Variants in POC1B observed in about 807,000 individuals in gnomAD.
POC1B encodes POC1 centriolar protein B.
A neutral mutation model predicts 60.6 loss-of-function variants in POC1B; 44 were observed. The ratio of observed to expected loss-of-function variants is 0.73; its 90% confidence interval spans 0.57 to 0.93. The LOEUF (loss-of-function observed/expected upper bound fraction) is 0.93. Among genes scored for constraint, POC1B ranks in the 40% least tolerant of loss-of-function variants. The pLI is 0.00. For synonymous variants in POC1B, 180 were observed against 198.9 expected (o/e 0.90, Z 0.80); for missense variants, 555 against 572.3 (o/e 0.97, Z 0.31).
intron 2 of POC1B, chr12:89,522,874 T>A: frequency 6.2e-7 from 1 of 1,610,284 alleles, no homozygotes; most frequent in Non-Finnish European, 8.5e-7. Flanking sequence ...CATTTGTACA[T>A]CAGGTCGGCC....
intron 2 of POC1B, chr12:89,522,743 A>T: frequency 6.6e-7 from 1 of 1,504,834 alleles, no homozygotes; most frequent in Non-Finnish European, 8.9e-7. Flanking sequence ...TACAATCTTC[A>T]CTGAGGCTCT....
the POC1B span, among the ~76,000 whole-genome samples, chr12:89,412,812 TTC>T: frequency 1.2e-5 from 1 of 84,768 alleles, no homozygotes; most frequent in Admixed American, 1.2e-4. Context: ...CACATGTTCC[TTC>T]CTTCCTTCCT....
chr12:89,403,508 G>C, the POC1B span, among the ~76,000 whole-genome samples: 1 of 152,074 alleles, frequency 6.6e-6, no homozygotes, highest in African/African-American at 2.4e-5. Flanking sequence ...ATCTGCCTCA[G>C]AGAAGAGTCA....
chr12:89,439,641 A>G (rs1037983799), intron 10 of POC1B, among the ~76,000 whole-genome samples: 1 of 152,036 alleles, frequency 6.6e-6, no homozygotes, highest in African/African-American at 2.4e-5. Context: ...GTCTCACTCT[A>G]TTGCCCAGGC....
In POC1B at chr12:89,467,670, C is replaced by G; in HGVS notation, c.826G>C (p.Val276Leu). 1 of 1,610,696 alleles carries G rather than the reference C, an allele frequency of 6.2e-7. No homozygotes were observed. The highest frequency in any genetic ancestry group is 8.5e-7 in the Non-Finnish European group (1 of 1,177,822). ...LQGHTGPVFT[V>L]SFSKGGELFA... Reference sequence around the variant, plus strand: ...AGCTCTCCACCTTTTGAAAATGAAACAGTAAAGACAGGTCCCTGAGAAATA... The same window carrying G: ...AGCTCTCCACCTTTTGAAAATGAAAGAGTAAAGACAGGTCCCTGAGAAATA... The change falls in exon 8 of 12, where the codon GTT (valine) becomes CTT (leucine). Residue 276 changes from valine (V) to leucine (L), a missense_variant. By Grantham distance (32) the Val-to-Leu change is conservative (BLOSUM62 1). Coordinates refer to ENST00000313546, the MANE Select transcript of POC1B (RefSeq NM_172240.3).
chr12:89,443,574 T>C lies in POC1B; in HGVS notation c.1113+16064A>G, dbSNP rs1194334620. Among the ~76,000 whole-genome samples the C allele has an allele frequency of 2.6e-5, 4 of 151,482 alleles. No individual in the cohort carries two copies. The East Asian group carries it at 7.7e-4, about 29-fold the overall frequency. On this transcript the variant is annotated intron_variant, in intron 10 of 11. Transcript: ENST00000313546. ...AACCAATGAGAACAAAGACACAACA[T>C]ACCAGAATCTCTGGGACACATTCAA...
At chr12:89,503,737 G>A (rs566215169) in intron 2 of POC1B, among the ~76,000 whole-genome samples, 1 of 127,850 alleles carries the variant, frequency 7.8e-6, no homozygotes, top group Admixed American at 7.6e-5. Context: ...CGCCCCGTCT[G>A]AGAAGTGAGG....
rs941942035 is a variant in POC1B, at chr12:89,459,685, T to A, written c.1066A>T (p.Ile356Phe). 7.2e-6 allele frequency: 11 copies of A among 1,529,252 alleles called. No individual in the cohort carries two copies. In the Admixed American group the frequency reaches 1.6e-4, roughly 22 times the overall value. 94.7% of individuals were successfully genotyped at this position (1,529,252 alleles called of 1,614,324 possible). The change falls in exon 10 of 12, where the codon ATC (isoleucine) becomes TTC (phenylalanine). Residue 356 changes from isoleucine to phenylalanine, a missense_variant. Ile to Phe is a conservative substitution (Grantham distance 21, BLOSUM62 0). Coordinates refer to ENST00000313546, the MANE Select transcript of POC1B (RefSeq NM_172240.3). ...NPKLEVIDLQ[I>F]STPPVMDILS... is the part of the protein sequence containing the mutation. ...ATATCCATAACAGGGGGAGTAGAGA[T>A]CTGCAAATCGATTACCTCAAGCTTT...
intron 1 of POC1B, chr12:89,525,525 T>C (rs1871385207): frequency 1.5e-6 from 2 of 1,302,882 alleles, no homozygotes; most frequent in African/African-American, 3.1e-5. Flanking sequence ...GGCAGGCAGG[T>C]GCGAGGATGC....
At chr12:89,418,845 TAC>T (rs1324453641), downstream of POC1B, among the ~76,000 whole-genome samples, 5 of 152,160 alleles carry the variant, frequency 3.3e-5, no homozygotes, top group African/African-American at 1.2e-4. Context: ...ATGAGCCAAA[TAC>T]ACCTCTTTTC....
intron 10 of POC1B, among the ~76,000 whole-genome samples, chr12:89,429,897 T>C (rs559864110): frequency 3.6e-4 from 55 of 152,338 alleles, no homozygotes; most frequent in South Asian, 6.2e-4. Flanking sequence ...AGTGAAGCAA[T>C]AGTAATACAA....
intron 10 of POC1B, among the ~76,000 whole-genome samples, chr12:89,453,153 A>G (rs1487067909): frequency 6.6e-6 from 1 of 152,152 alleles, no homozygotes; most frequent in East Asian, 1.9e-4. Flanking sequence ...AATGTCTTTG[A>G]CAATTTAATT....
chr12:89,461,899 T>A (rs561706916), intron 9 of POC1B: 2 of 152,292 alleles, frequency 1.3e-5, no homozygotes, highest in South Asian at 2.1e-4. Flanking sequence ...GTTTTCCTTT[T>A]AATCTTAAGA....
chr12:89,494,865 A>G (rs1311723012), intron 3 of POC1B, among the ~76,000 whole-genome samples: 1 of 152,222 alleles, frequency 6.6e-6, no homozygotes, highest in Admixed American at 6.5e-5. Context: ...TTTCCTCTGC[A>G]TGTGTAATCT....
intron 2 of POC1B, chr12:89,523,497 T>C: frequency 6.2e-7 from 1 of 1,612,010 alleles, no homozygotes; most frequent in Non-Finnish European, 8.5e-7. Context: ...GGATCTCCAA[T>C]TTGCCACCAC....
At chr12:89,510,515 C>T (rs980551219) in intron 2 of POC1B, among the ~76,000 whole-genome samples, 2 of 152,208 alleles carry the variant, frequency 1.3e-5, no homozygotes, top group African/African-American at 4.8e-5. Context: ...GGCTGCTCTA[C>T]CTCTCTGCTG....
At position 89,526,022 on chromosome 12, in the gene POC1B, G is replaced by T. The variant is rs1316867257; in HGVS notation, c.-127C>A. On this transcript the variant is annotated 5_prime_UTR_variant, in exon 1 of 12. Coordinates refer to ENST00000313546, the MANE Select transcript of POC1B (RefSeq NM_172240.3). ...CTGCCCAGAGCGGCAGCGCCTCCCG[G>T]TCACTACAACAACGGCGGCCCAGTC... The T allele has an allele frequency of 2.6e-5, 40 of 1,537,260 alleles. No homozygotes were observed. Among genetic ancestry groups the T allele is most frequent in the Non-Finnish European group, 3.5e-5 (40 of 1,145,724 alleles).
intron 4 of POC1B, among the ~76,000 whole-genome samples, chr12:89,474,179 C>T (rs1182565460): frequency 1.3e-5 from 2 of 151,644 alleles, no homozygotes; most frequent in Non-Finnish European, 2.9e-5. Context: ...GCACTCTAGC[C>T]TGGGTTACAG....
At chr12:89,490,647 C>T (rs577448521) in intron 4 of POC1B, among the ~76,000 whole-genome samples, 3 of 152,212 alleles carry the variant, frequency 2.0e-5, no homozygotes, top group South Asian at 2.1e-4. Flanking sequence ...GCCCAGCCCC[C>T]AGACAGTTCT....
Sources: gnomAD v4.1 joint callset for allele counts (sites outside exome capture counted in the v4.1 genomes callset) on GRCh38, gnomAD v4.1.1 for gene constraint, MANE v1.5 for transcripts, NCBI Gene and HGNC (gene_info 2026-07-23, HGNC 2026-07-21) for gene names.